BLK: variants seen among roughly 807,000 people sequenced by gnomAD.
BLK encodes tyrosine-protein kinase Blk.
BLK carries 64 observed loss-of-function variants against 61.8 expected under a neutral mutation model. That is an observed-to-expected ratio of 1.03 (90% CI 0.85 to 1.27). BLK has a LOEUF of 1.27. BLK is among the 50% of genes most tolerant of loss of function. The pLI is 0.00. For synonymous variants in BLK, 351 were observed against 272.0 expected (o/e 1.29, Z -2.86); for missense variants, 853 against 660.5 (o/e 1.29, Z -3.19).
intron 2 of BLK, 179 bp from the exon 3 acceptor site, chr8:11,545,873 G>A (rs1451841751): frequency 2.7e-6 from 2 of 735,602 alleles, no homozygotes; most frequent in African/African-American, 1.7e-5. Flanking sequence ...GGGTCTGTCT[G>A]AGGGTAGTGC....
chr8:11,534,171 A>G (rs966890304), intron 1 of BLK, among the ~76,000 whole-genome samples: 7 of 152,230 alleles, frequency 4.6e-5, no homozygotes, highest in South Asian at 2.1e-4. Flanking sequence ...TATTGTGCCA[A>G]AGAATCATAA....
At chr8:11,563,491 G>A (rs1274137878) in intron 12 of BLK, among the ~76,000 whole-genome samples, 1 of 152,202 alleles carries the variant, frequency 6.6e-6, no homozygotes, top group African/African-American at 2.4e-5. Context: ...GTGGACGACA[G>A]CCCCCAGCCC....
At chr8:11,507,337 C>G (rs1417515461) in intron 1 of BLK, among the ~76,000 whole-genome samples, 4 of 152,164 alleles carry the variant, frequency 2.6e-5, no homozygotes, top group African/African-American at 9.7e-5. Flanking sequence ...CAAACCCTGC[C>G]CCTGGGAGTG....
intron 1 of BLK, among the ~76,000 whole-genome samples, chr8:11,521,722 C>T (rs1201322299): frequency 1.3e-5 from 2 of 152,234 alleles, no homozygotes; most frequent in Non-Finnish European, 2.9e-5. Flanking sequence ...TGGAGACGCA[C>T]AGTGCCTCCC....
chr8:11,499,289 A>C (rs1798472114), intron 1 of BLK, among the ~76,000 whole-genome samples: 2 of 152,236 alleles, frequency 1.3e-5, no homozygotes, highest in South Asian at 4.1e-4. Flanking sequence ...CTAGGGGTGG[A>C]GTAGGCTCTA....
At chr8:11,504,650 T>C (rs1379716350) in intron 1 of BLK, among the ~76,000 whole-genome samples, 1 of 152,222 alleles carries the variant, frequency 6.6e-6, no homozygotes, top group Non-Finnish European at 1.5e-5. Context: ...TCAGGCTACA[T>C]GGAGCATGTG....
chr8:11,514,425 C>T (rs1156479483), intron 1 of BLK, among the ~76,000 whole-genome samples: 1 of 152,178 alleles, frequency 6.6e-6, no homozygotes, highest in African/African-American at 2.4e-5. Flanking sequence ...CCCGCAATGG[C>T]CTCCCCGAGG....
chr8:11,563,973 G>A lies in BLK; in HGVS notation c.1383G>A (p.Pro461=), dbSNP rs1224467938. The change falls in exon 13 of 13, where the codon CCG becomes CCA. Residue 461 remains proline, a synonymous_variant. Transcript: ENST00000259089. The part of the protein sequence containing the change: ...GYRMPRPDTC[P]PELYRGVIAE... ...GCATGCCGCGCCCCGACACCTGCCC[G>A]CCCGAGCTGTACCGCGGCGTCATCG... The A allele has an allele frequency of 6.2e-7, 1 of 1,606,308 alleles. No individual in the cohort carries two copies. The highest frequency in any genetic ancestry group is 8.5e-7 in the Non-Finnish European group (1 of 1,179,294).
chr8:11,548,166 C>A, intron 4 of BLK, 41 bp downstream of exon 4: 1 of 1,519,226 alleles, frequency 6.6e-7, no homozygotes, highest in Admixed American at 1.7e-5. Flanking sequence ...TGCAGGACCC[C>A]CCTCCCCCAC....
At chr8:11,543,009 A>C (rs1800454004) in intron 1 of BLK, among the ~76,000 whole-genome samples, 1 of 152,124 alleles carries the variant, frequency 6.6e-6, no homozygotes. Context: ...TCCTAAATGC[A>C]GTGCTTTCTG....
intron 12 of BLK, 40 bp from the exon 13 acceptor site, chr8:11,563,863 C>T (rs373325308): frequency 1.9e-6 from 3 of 1,578,738 alleles, no homozygotes; most frequent in East Asian, 2.3e-5. Flanking sequence ...CACCGAGGAC[C>T]CCAGCCCCTC....
chr8:11,549,230 G>A, intron 5 of BLK, 108 bp downstream of exon 5: 1 of 992,266 alleles, frequency 1.0e-6, no homozygotes, highest in Non-Finnish European at 1.6e-6. Context: ...GGAGCCTGCA[G>A]GCACTAGCAA....
intron 1 of BLK, among the ~76,000 whole-genome samples, chr8:11,504,949 C>A (rs1161409912): frequency 6.6e-6 from 1 of 152,162 alleles, no homozygotes; most frequent in Non-Finnish European, 1.5e-5. Flanking sequence ...AACACACATG[C>A]ACAGAGACAC....
chr8:11,546,681 T>C (rs1408255167), intron 3 of BLK, among the ~76,000 whole-genome samples: 1 of 152,200 alleles, frequency 6.6e-6, no homozygotes. Flanking sequence ...GTTCAAGAGA[T>C]TCTCCTGCCT....
intron 8 of BLK, chr8:11,556,351 T>C (rs1215288249): frequency 9.2e-6 from 4 of 433,552 alleles, no homozygotes; most frequent in Non-Finnish European, 1.7e-5. Flanking sequence ...AGACTCATTA[T>C]GTAGGGGAGG....
chr8:11,535,164 G>A (rs1464607107), intron 1 of BLK, among the ~76,000 whole-genome samples: 1 of 148,754 alleles, frequency 6.7e-6, no homozygotes, highest in Non-Finnish European at 1.5e-5. Flanking sequence ...GGTGACAAGA[G>A]ACAGACAGAT....
At chr8:11,533,306 T>C (rs1165846110) in intron 1 of BLK, among the ~76,000 whole-genome samples, 1 of 152,158 alleles carries the variant, frequency 6.6e-6, no homozygotes, top group Non-Finnish European at 1.5e-5. Context: ...AACCTTTCAG[T>C]CTAAATGTTC....
Position 11,555,488 on chromosome 8 carries a change from A to AGT in BLK, c.772+10_772+11dup. On this transcript the variant is annotated splice_donor_region_variant and intron_variant, in intron 8 of 12. Transcript: ENST00000259089. ...CAATTCGGCGAAGTCTGGATGGGTGAGTGTGTGCACACGTGGGAGCATTTC... is the reference window on the plus strand; with the variant it reads ...CAATTCGGCGAAGTCTGGATGGGTGAGTGTGTGTGCACACGTGGGAGCATTTC... The AGT allele has an allele frequency of 6.2e-7, 1 of 1,614,074 alleles. No individual in the cohort carries two copies. Among genetic ancestry groups the AGT allele is most frequent in the Non-Finnish European group, 8.5e-7 (1 of 1,180,010 alleles).
chr8:11,528,435 A>G (rs1563443201), intron 1 of BLK, among the ~76,000 whole-genome samples: 1 of 152,250 alleles, frequency 6.6e-6, no homozygotes, highest in South Asian at 2.1e-4. Context: ...GGTCAGAAGC[A>G]AGATGGAGTC....
Sources: gnomAD v4.1 joint callset for allele counts (sites outside exome capture counted in the v4.1 genomes callset) on GRCh38, gnomAD v4.1.1 for gene constraint, MANE v1.5 for transcripts, NCBI Gene and HGNC (gene_info 2026-07-23, HGNC 2026-07-21) for gene names.